SLIT3: variants seen among roughly 807,000 people sequenced by gnomAD.
SLIT3 encodes the protein slit guidance ligand 3.
A neutral mutation model predicts 184.0 loss-of-function variants in SLIT3; 68 were observed. The ratio of observed to expected loss-of-function variants is 0.37; its 90% CI spans 0.30 to 0.45. The LOEUF is 0.45. SLIT3 is among the 20% of genes least tolerant of loss of function. The pLI, the probability that SLIT3 is intolerant of heterozygous loss-of-function variation, is 1.00. For synonymous variants in SLIT3, 831 were observed against 828.6 expected (o/e 1.00, Z -0.05); for missense variants, 1,707 against 2,026.0 (o/e 0.84, Z 3.02).
intron 8 of SLIT3, among the ~76,000 whole-genome samples, chr5:168,813,680 A>C (rs978686087): frequency 3.3e-5 from 5 of 152,152 alleles, no homozygotes; most frequent in Middle Eastern, 3.2e-3. Flanking sequence ...ACTGCTAGCA[A>C]ATTTCTGGGT....
Position 169,244,725 on chromosome 5 carries a change from G to T in SLIT3, c.321C>A (p.Asp107Glu), listed in dbSNP as rs766094354. 6.2e-7 allele frequency: 1 copy of T among 1,613,868 alleles called. No homozygotes were observed. The highest frequency in any genetic ancestry group is 8.5e-7 in the Non-Finnish European group (1 of 1,179,884). Residue 107 changes from aspartate to glutamate, a missense_variant, in exon 3 of 36, where the codon GAC (aspartate) becomes GAA (glutamate). By Grantham distance (45) the Asp-to-Glu change is conservative (BLOSUM62 2). Coordinates refer to ENST00000519560, the MANE Select transcript of SLIT3 (RefSeq NM_003062.4). ...VSVIERGAFQ[D>E]LKQLERLRLN... ...CTTACAGTCGCTCTAGCTGCTTCAG[G>T]TCCTGGAAGGCGCCTCTCTCGATGA...
chr5:168,796,411 G>A (rs1181435268), intron 9 of SLIT3, among the ~76,000 whole-genome samples: 1 of 152,192 alleles, frequency 6.6e-6, no homozygotes, highest in East Asian at 1.9e-4. Flanking sequence ...GTGGGAAACA[G>A]GCATGTGGGG....
rs535171012 is a variant in SLIT3 at position 169,023,377 on chromosome 5, G to C, written c.414-140041C>G. On this transcript the variant is annotated intron_variant, in intron 4 of 35. Coordinates refer to ENST00000519560, the MANE Select transcript of SLIT3 (RefSeq NM_003062.4). ...AAATTTTTTTAGGACTGTATTCAAA[G>C]AAAAAAGAGGGGTGGAATTTTCATT... 1.6e-4 allele frequency among the ~76,000 whole-genome samples: 25 copies of C among 151,968 alleles called. No individual in the cohort carries two copies. In the South Asian group the frequency reaches 5.2e-3, roughly 32 times the overall value.
chr5:168,773,547 G>T (rs939885353), intron 13 of SLIT3, among the ~76,000 whole-genome samples: 3 of 152,122 alleles, frequency 2.0e-5, no homozygotes. Context: ...GGCTACAGAG[G>T]CAACAAGCAC....
At chr5:168,820,363 C>T (rs770823193) in intron 7 of SLIT3, among the ~76,000 whole-genome samples, 7 of 152,108 alleles carry the variant, frequency 4.6e-5, no homozygotes, top group African/African-American at 1.4e-4. Flanking sequence ...CTGACACTGG[C>T]TCCGTGCTTT....
intron 4 of SLIT3, among the ~76,000 whole-genome samples, chr5:169,124,518 C>T (rs1293116247): frequency 6.6e-6 from 1 of 152,186 alleles, no homozygotes; most frequent in African/African-American, 2.4e-5. Context: ...TACCACTTCA[C>T]CCCTTCTAAA....
At chr5:169,278,946 C>T (rs1039790225) in intron 1 of SLIT3, among the ~76,000 whole-genome samples, 2 of 152,050 alleles carry the variant, frequency 1.3e-5, no homozygotes, top group Non-Finnish European at 2.9e-5. Flanking sequence ...GATGGACAGG[C>T]CAAGAATTCA....
At chr5:169,279,686 A>C (rs1665056573) in intron 1 of SLIT3, among the ~76,000 whole-genome samples, 1 of 152,214 alleles carries the variant, frequency 6.6e-6, no homozygotes, top group Non-Finnish European at 1.5e-5. Flanking sequence ...GTTATCCATA[A>C]ATTATATAAT....
At chr5:168,936,853 G>C (rs147750464) in intron 4 of SLIT3, among the ~76,000 whole-genome samples, 2 of 152,196 alleles carry the variant, frequency 1.3e-5, no homozygotes, top group East Asian at 3.9e-4. Context: ...TCTCATCCTA[G>C]GAACTGGGGC....
At position 169,193,484 on chromosome 5, in the gene SLIT3, G is replaced by A. The variant is rs758379745; in HGVS notation, c.408C>T (p.Thr136=). Residue 136 remains threonine, a synonymous_variant, in exon 4 of 36, where the codon ACC becomes ACT. Transcript: ENST00000519560. ...ELLFQSTPKL[T]RLDLSENQIQ... is the part of the protein sequence containing the mutation. ...CACAAGGCAACTCTACTCACAGTCT[G>A]GTGAGCTTCGGCGTGCTCTGGAAAA... The A allele has an allele frequency of 1.9e-6, 3 of 1,613,610 alleles. No homozygotes were observed. In the South Asian group the frequency reaches 3.3e-5, roughly 18 times the overall value.
chr5:169,076,952 GCACACACACACATACA>G (rs1561647150), intron 4 of SLIT3, among the ~76,000 whole-genome samples: 2 of 150,800 alleles, frequency 1.3e-5, no homozygotes, highest in South Asian at 2.1e-4. Context: ...ATACACACAC[GCACACACACACATACA>G]CACACACACA....
chr5:168,752,870 G>A, intron 18 of SLIT3, 85 bp downstream of exon 18: 5 of 1,351,704 alleles, frequency 3.7e-6, no homozygotes, highest in Non-Finnish European at 5.2e-6. Context: ...GATGAGCCTG[G>A]CTAGAGGTAG....
chr5:169,071,824 C>T (rs1020670820), intron 4 of SLIT3, among the ~76,000 whole-genome samples: 5 of 151,974 alleles, frequency 3.3e-5, no homozygotes, highest in Non-Finnish European at 7.4e-5. Context: ...ATTCCTTGTG[C>T]GAGTGGTTAG....
At chr5:168,887,890 C>T (rs1760281718) in intron 4 of SLIT3, among the ~76,000 whole-genome samples, 1 of 152,144 alleles carries the variant, frequency 6.6e-6, no homozygotes, top group Non-Finnish European at 1.5e-5. Context: ...CATATGCCTT[C>T]AACTCTACAA....
chr5:169,155,452 G>T (rs1022642584), intron 4 of SLIT3, among the ~76,000 whole-genome samples: 3 of 152,218 alleles, frequency 2.0e-5, no homozygotes, highest in African/African-American at 7.2e-5. Flanking sequence ...GCTGCTAAAG[G>T]TATAAACCTT....
chr5:168,784,647 T>C (rs1756088286), intron 12 of SLIT3, among the ~76,000 whole-genome samples: 1 of 152,158 alleles, frequency 6.6e-6, no homozygotes, highest in African/African-American at 2.4e-5. Flanking sequence ...GGAGGAAAAG[T>C]CTCACTTCCT....
chr5:168,916,206 T>C (rs1761429485), intron 4 of SLIT3, among the ~76,000 whole-genome samples: 2 of 152,372 alleles, frequency 1.3e-5, no homozygotes, highest in Admixed American at 6.5e-5. Context: ...GAGTGATCTC[T>C]AAGGCTCTTT....
At chr5:168,922,448 C>A (rs866458585) in intron 4 of SLIT3, among the ~76,000 whole-genome samples, 1 of 121,948 alleles carries the variant, frequency 8.2e-6, no homozygotes, top group Admixed American at 9.2e-5. Flanking sequence ...CAGAGCGAGA[C>A]TCTGTCTCAA....
intron 9 of SLIT3, among the ~76,000 whole-genome samples, chr5:168,799,580 G>A (rs1048781407): frequency 6.6e-6 from 1 of 152,140 alleles, no homozygotes; most frequent in African/African-American, 2.4e-5. Flanking sequence ...TATATTTCTA[G>A]CAATACAGAA....
Sources: allele counts gnomAD v4.1 joint callset (sites outside exome capture counted in the v4.1 genomes callset), GRCh38; gene constraint gnomAD v4.1.1; transcripts MANE v1.5; gene names NCBI Gene and HGNC (gene_info 2026-07-23, HGNC 2026-07-21).